CDH18: variants seen among roughly 807,000 people sequenced by gnomAD.
The protein encoded by CDH18 is cadherin-18.
Under a neutral mutation model 67.9 loss-of-function variants are expected in CDH18, and 31 were observed. That is an observed-to-expected ratio of 0.46 (90% CI 0.34 to 0.62). The LOEUF is 0.62. Among genes scored for constraint, CDH18 ranks in the 20% least tolerant of loss-of-function variants. The probability of loss-of-function intolerance (pLI) is 0.01; values close to 1 mark genes in which losing one functional copy is unlikely to be tolerated. For missense variants in CDH18, 890 were observed against 975.5 expected (o/e 0.91, Z 1.17); for synonymous variants, 362 against 347.2 (o/e 1.04, Z -0.48).
intron 1 of CDH18, among the ~76,000 whole-genome samples, chr5:20,434,548 C>A (rs759916436): frequency 9.9e-5 from 15 of 151,824 alleles, no homozygotes; most frequent in Non-Finnish European, 1.9e-4. Flanking sequence ...CAGAATGTTA[C>A]CTGAAACATA....
intron 5 of CDH18, among the ~76,000 whole-genome samples, chr5:19,638,982 T>TTC (rs1160218591): frequency 1.4e-5 from 1 of 73,482 alleles, no homozygotes; most frequent in Non-Finnish European, 2.8e-5. Context: ...TTGCTGTTTT[T>TTC]TTTTTTTTTT....
chr5:20,258,971 T>C (rs1744446821), intron 1 of CDH18, among the ~76,000 whole-genome samples: 1 of 152,028 alleles, frequency 6.6e-6, no homozygotes, highest in Admixed American at 6.6e-5. Context: ...GTGTCCAAAC[T>C]CCTGACCCAA....
intron 2 of CDH18, among the ~76,000 whole-genome samples, chr5:20,224,025 A>G (rs1002019839): frequency 6.6e-6 from 1 of 152,188 alleles, no homozygotes; most frequent in African/African-American, 2.4e-5. Flanking sequence ...TTCTCTTTTT[A>G]TATTAAGTCT....
At chr5:19,662,201 T>C (rs1282799176) in intron 5 of CDH18, among the ~76,000 whole-genome samples, 1 of 151,886 alleles carries the variant, frequency 6.6e-6, no homozygotes, top group Admixed American at 6.6e-5. Context: ...CAAAGATATA[T>C]ATTCTTTTAA....
chr5:19,506,712 T>A (rs1171848285), intron 10 of CDH18, among the ~76,000 whole-genome samples: 2 of 152,238 alleles, frequency 1.3e-5, no homozygotes, highest in Non-Finnish European at 2.9e-5. Context: ...TGTAGAAAGC[T>A]GAAACTGGAT....
At chr5:20,276,566 G>A (rs1043126047) in intron 1 of CDH18, among the ~76,000 whole-genome samples, 1 of 152,190 alleles carries the variant, frequency 6.6e-6, no homozygotes, top group South Asian at 2.1e-4. Context: ...GTGGGCCTTG[G>A]ATGAGACTCA....
chr5:19,497,914 A>G (rs1742614248), intron 11 of CDH18, among the ~76,000 whole-genome samples: 1 of 152,230 alleles, frequency 6.6e-6, no homozygotes, highest in Non-Finnish European at 1.5e-5. Context: ...AGCCTGACAC[A>G]GTGTTATAGA....
chr5:19,670,553 T>A (rs1758601366), intron 5 of CDH18, among the ~76,000 whole-genome samples: 1 of 152,154 alleles, frequency 6.6e-6, no homozygotes, highest in South Asian at 2.1e-4. Context: ...AGTAGCTGTA[T>A]AACATGATCG....
chr5:20,036,026 T>C (rs924407643), intron 2 of CDH18, among the ~76,000 whole-genome samples: 1 of 152,028 alleles, frequency 6.6e-6, no homozygotes, highest in African/African-American at 2.4e-5. Flanking sequence ...AGTTATTGTA[T>C]AATAAGTCAA....
intron 2 of CDH18, among the ~76,000 whole-genome samples, chr5:20,168,241 AATG>A (rs1431412870): frequency 6.6e-6 from 1 of 152,164 alleles, no homozygotes; most frequent in Non-Finnish European, 1.5e-5. Flanking sequence ...ATTAGAAATT[AATG>A]ATGTATTTTG....
chr5:19,813,376 C>T (rs976088012), intron 3 of CDH18, among the ~76,000 whole-genome samples: 3 of 151,868 alleles, frequency 2.0e-5, no homozygotes, highest in African/African-American at 7.3e-5. Flanking sequence ...AAAGTTAAAA[C>T]TCATTTCTAT....
At chr5:19,540,115 T>C (rs1004733656) in intron 9 of CDH18, among the ~76,000 whole-genome samples, 2 of 151,804 alleles carry the variant, frequency 1.3e-5, no homozygotes, top group Non-Finnish European at 2.9e-5. Flanking sequence ...AGGAATTAAG[T>C]AAATATAGCC....
chr5:19,700,747 T>C (rs1763134158), intron 5 of CDH18, among the ~76,000 whole-genome samples: 1 of 152,188 alleles, frequency 6.6e-6, no homozygotes, highest in South Asian at 2.1e-4. Flanking sequence ...TGTATTTGTA[T>C]CTAAACATTC....
chr5:19,899,728 A>C (rs1789731649), intron 2 of CDH18, among the ~76,000 whole-genome samples: 1 of 151,582 alleles, frequency 6.6e-6, no homozygotes. Flanking sequence ...TGAATAAAGA[A>C]AATGTAGTAT....
intron 8 of CDH18, among the ~76,000 whole-genome samples, chr5:19,547,603 G>A (rs1382432067): frequency 6.6e-6 from 1 of 152,104 alleles, no homozygotes; most frequent in Non-Finnish European, 1.5e-5. Flanking sequence ...TAACATAAGT[G>A]CTAATATCAG....
intron 1 of CDH18, among the ~76,000 whole-genome samples, chr5:20,463,240 T>TTTTTTTTTTTTTTTTTTTTTTTGAGACG (rs1751395460): frequency 6.6e-6 from 1 of 151,716 alleles, no homozygotes; most frequent in Non-Finnish European, 1.5e-5. Context: ...TGTGCTTTTG[T>TTTTTTTTTTTTTTTTTTTTTTTGAGACG]GATGCAATTC....
At chr5:20,023,257 C>G (rs1216951729) in intron 2 of CDH18, among the ~76,000 whole-genome samples, 1 of 152,132 alleles carries the variant, frequency 6.6e-6, no homozygotes, top group Admixed American at 6.5e-5. Flanking sequence ...ATCCACAGCC[C>G]TCAGCTTTGC....
intron 1 of CDH18, among the ~76,000 whole-genome samples, chr5:20,574,379 A>T (rs1426041912): frequency 1.3e-5 from 2 of 152,006 alleles, no homozygotes; most frequent in African/African-American, 4.8e-5. Context: ...TTGCTGACTT[A>T]TCACAGATGG....
chr5:19,517,036 A>T (rs1746139438), intron 10 of CDH18, among the ~76,000 whole-genome samples: 1 of 152,122 alleles, frequency 6.6e-6, no homozygotes, highest in African/African-American at 2.4e-5. Context: ...CTGCATATTT[A>T]ATTTTTTATG....
Sources: allele counts gnomAD v4.1 joint callset (sites outside exome capture counted in the v4.1 genomes callset), GRCh38; gene constraint gnomAD v4.1.1; transcripts MANE v1.5; gene names NCBI Gene and HGNC (gene_info 2026-07-23, HGNC 2026-07-21).